Variants in CAGE1 observed in about 807,000 individuals in gnomAD.
CAGE1 encodes cancer antigen 1, also known as cancer-associated gene 1 protein.
A neutral mutation model predicts 94.9 loss-of-function variants in CAGE1; 66 were observed. The ratio of observed to expected loss-of-function variants is 0.70; its 90% CI spans 0.57 to 0.85. The LOEUF (loss-of-function observed/expected upper bound fraction) is 0.85, where lower values mean the gene tolerates loss of function less well. CAGE1 is among the 40% of genes least tolerant of loss of function. CAGE1 has a pLI of 0.00. For synonymous variants in CAGE1, 319 were observed against 321.0 expected, an observed-to-expected ratio of 0.99 and a Z score of 0.07; for missense variants, 865 against 950.4, an observed-to-expected ratio of 0.91 and a Z score of 1.18.
At chr6:7,343,198 A>AAAAAAAAAAAGAAAAGAAAAG (rs574460085) in intron 11 of CAGE1, among the ~76,000 whole-genome samples, 46 of 137,358 alleles carry the variant, frequency 3.3e-4, no homozygotes, top group East Asian at 3.2e-3. Flanking sequence ...CACAAAAAAA[A>AAAAAAAAAAAGAAAAGAAAAG]AAAAGAAAAG....
In CAGE1 at chr6:7,373,642, G is replaced by T; in HGVS notation, c.1177C>A (p.Gln393Lys). 6.2e-7 allele frequency: 1 copy of T among 1,613,158 alleles called. No individual in the cohort carries two copies. ...QNLEEVLANT[Q>K]KHLQESRNDK... ...TTCCTGGATTCCTGAAGATGTTTTTGCGTGTTAGCTAAAACCTCTTCCAAA... is the reference window on the plus strand; with the variant it reads ...TTCCTGGATTCCTGAAGATGTTTTTTCGTGTTAGCTAAAACCTCTTCCAAA... The change falls in exon 5 of 14, where the codon CAA becomes AAA. Residue 393 changes from glutamine (Q) to lysine (K), a missense_variant. Transcript: ENST00000502583.
chr6:7,364,917 CTT>C (rs1393155543), intron 9 of CAGE1, among the ~76,000 whole-genome samples: 1 of 152,126 alleles, frequency 6.6e-6, no homozygotes, highest in East Asian at 1.9e-4. Flanking sequence ...TGATGGTAGA[CTT>C]AGCTAATTAA....
rs373081056 is a variant in CAGE1, at chr6:7,329,927, AG to A, written c.2439-40del. The stretch of plus-strand genomic sequence containing the variant: ...AAAGAAAATAATGTAAAAAGGAGGA[AG>A]GGGGGACTGAAATAGTGAACATGGT... On this transcript the variant is annotated intron_variant, in intron 12 of 13. Coordinates refer to ENST00000502583, the MANE Select transcript of CAGE1 (RefSeq NM_001170692.2). The A allele has an allele frequency of 1.2e-4, 112 of 924,648 alleles. 1 individual carries two copies. Among genetic ancestry groups the A allele is most frequent in the South Asian group, 6.9e-4 (47 of 67,756 alleles). 57.3% of individuals were successfully genotyped at this position (924,648 alleles called of 1,614,324 possible). A position where few individuals can be genotyped will look rare whatever the true frequency, so the allele number is the denominator to read the frequency against.
chr6:7,345,414 C>T lies in CAGE1; in HGVS notation c.2369+9627G>A, dbSNP rs147871259. Among the ~76,000 whole-genome samples, 832 of 152,226 alleles carry T rather than the reference C, an allele frequency of 5.5e-3. 1 individual carries two copies. Among genetic ancestry groups the T allele is most frequent in the Middle Eastern group, 0.014 (4 of 294 alleles). The stretch of plus-strand genomic sequence containing the variant: ...GATGTGCCATCTTAAGAGCTGTAAC[C>T]CTCACTGCAGGGGTCTGTGGTTTCA... On this transcript the variant is annotated intron_variant, in intron 11 of 13. Coordinates refer to ENST00000502583, the MANE Select transcript of CAGE1 (RefSeq NM_001170692.2).
At chr6:7,361,012 G>A (rs1271371917) in intron 9 of CAGE1, among the ~76,000 whole-genome samples, 2 of 151,950 alleles carry the variant, frequency 1.3e-5, no homozygotes, top group Non-Finnish European at 2.9e-5. Flanking sequence ...ATATAGAGCA[G>A]GTGAGGAACA....
chr6:7,361,666 T>C (rs529545568), intron 9 of CAGE1, among the ~76,000 whole-genome samples: 45 of 152,182 alleles, frequency 3.0e-4, no homozygotes, highest in Non-Finnish European at 5.9e-4. Context: ...CAAGGATCTG[T>C]AGTGCAAATA....
intron 12 of CAGE1, among the ~76,000 whole-genome samples, chr6:7,330,126 A>G (rs1216259651): frequency 2.0e-5 from 3 of 152,164 alleles, no homozygotes; most frequent in Non-Finnish European, 4.4e-5. Context: ...GGTGGCTCAC[A>G]CCTGTAATCC....
At chr6:7,376,743 G>A (rs1760759538) in intron 4 of CAGE1, among the ~76,000 whole-genome samples, 1 of 152,130 alleles carries the variant, frequency 6.6e-6, no homozygotes, top group Non-Finnish European at 1.5e-5. Context: ...TCAGGTCCTA[G>A]TAGGTACCAT....
chr6:7,341,999 C>T (rs1467837881), intron 11 of CAGE1: 22 of 784,660 alleles, frequency 2.8e-5, no homozygotes, highest in East Asian at 1.8e-4. Context: ...CCAAGGTTAA[C>T]GAAGCTCAAG....
chr6:7,334,199 TC>T, intron 11 of CAGE1, 109 bp from the exon 12 acceptor site: 1 of 618,798 alleles, frequency 1.6e-6, no homozygotes, highest in South Asian at 2.0e-5. Flanking sequence ...AATCTAATTA[TC>T]TATATGCTAT....
At chr6:7,361,480 G>T (rs1234129470) in intron 9 of CAGE1, among the ~76,000 whole-genome samples, 1 of 152,160 alleles carries the variant, frequency 6.6e-6, no homozygotes, top group Admixed American at 6.5e-5. Flanking sequence ...CAATGTTTTA[G>T]CTGTGTGTGT....
At chr6:7,336,881 G>A (rs765720254) in intron 11 of CAGE1, among the ~76,000 whole-genome samples, 3 of 152,042 alleles carry the variant, frequency 2.0e-5, no homozygotes, top group Non-Finnish European at 4.4e-5. Context: ...TAAAATCTTC[G>A]CCCATTTTTA....
rs546276415 is a variant in CAGE1, at chr6:7,338,825, C to T, written c.2370-4735G>A. The T allele has an allele frequency of 1.7e-4, 177 of 1,032,042 alleles. 1 individual carries two copies. In the South Asian group the frequency reaches 2.1e-3, roughly 12 times the overall value. The allele number at this position is 1,032,042 out of a possible 1,614,324, so 63.9% of individuals were successfully genotyped here. ...ACATCCAGACTCCAGAATACAGCTG[C>T]CAAGGAGATCCTGTTATGCTGTGGT... On this transcript the variant is annotated intron_variant, in intron 11 of 13. Transcript: ENST00000502583.
intron 5 of CAGE1, among the ~76,000 whole-genome samples, chr6:7,371,774 G>A (rs1222188910): frequency 3.9e-5 from 6 of 151,954 alleles, no homozygotes; most frequent in Non-Finnish European, 5.9e-5. Flanking sequence ...GCGACAGAGC[G>A]AGACTCTGTC....
intron 11 of CAGE1, chr6:7,341,847 C>A (rs1759189854): frequency 1.5e-6 from 1 of 679,668 alleles, no homozygotes; most frequent in South Asian, 1.4e-5. Flanking sequence ...ACTAGTAGGT[C>A]AGGAACTGGG....
At position 7,371,765 on chromosome 6, in the gene CAGE1, C is replaced by T. The variant is rs543072471; in HGVS notation, c.1746+1308G>A. On this transcript the variant is annotated intron_variant, in intron 5 of 13. Transcript: ENST00000502583. ...TCACACCACTGCACTCCAGCCTGGGCGACAGAGCGAGACTCTGTCTTAATA... is the reference window on the plus strand; with the variant it reads ...TCACACCACTGCACTCCAGCCTGGGTGACAGAGCGAGACTCTGTCTTAATA... Among the ~76,000 whole-genome samples the T allele has an allele frequency of 9.2e-5, 14 of 152,084 alleles. No homozygotes were observed. In the South Asian group the frequency reaches 1.5e-3, roughly 16 times the overall value.
At position 7,329,497 on chromosome 6, in the gene CAGE1, C is replaced by T. The variant is rs1758670039; in HGVS notation, c.2478+352G>A. On this transcript the variant is annotated intron_variant, in intron 13 of 13. Transcript: ENST00000502583. ...AACGGAGGGGCATGAAAATATTTTGCTTTTGAAAGATCACTCTGTCTACTC... is the reference window on the plus strand; with the variant it reads ...AACGGAGGGGCATGAAAATATTTTGTTTTTGAAAGATCACTCTGTCTACTC... 3.9e-5 allele frequency among the ~76,000 whole-genome samples: 6 copies of T among 151,938 alleles called. No individual in the cohort carries two copies. The South Asian group carries it at 1.2e-3, about 31-fold the overall frequency.
intron 5 of CAGE1, 109 bp from the exon 6 acceptor site, chr6:7,370,174 C>T (rs577729386): frequency 1.5e-6 from 1 of 670,790 alleles, no homozygotes; most frequent in African/African-American, 1.9e-5. Flanking sequence ...GGCGACAGTT[C>T]TCAAACTTTT....
intron 9 of CAGE1, among the ~76,000 whole-genome samples, chr6:7,361,499 A>G (rs754699): frequency 0.092 from 14,013 of 152,294 alleles, 1,496 homozygotes; most frequent in African/African-American, 0.26. Flanking sequence ...GTGTGTGCAT[A>G]TAAGTATTCC....
Sources: allele counts gnomAD v4.1 joint callset (sites outside exome capture counted in the v4.1 genomes callset), GRCh38; gene constraint gnomAD v4.1.1; transcripts MANE v1.5; gene names NCBI Gene and HGNC (gene_info 2026-07-23, HGNC 2026-07-21).